LRP1B: variants seen among roughly 807,000 people sequenced by gnomAD.
LRP1B encodes low-density lipoprotein receptor-related protein 1B.
In LRP1B, 217 loss-of-function variants were observed where a neutral mutation model predicts 556.6. The ratio of observed to expected loss-of-function variants is 0.39; its 90% CI spans 0.35 to 0.44. The LOEUF is 0.44. LRP1B is among the 20% of genes least tolerant of loss of function. The pLI is 1.00. For synonymous variants in LRP1B, 2,047 were observed against 1,865.8 expected (o/e 1.10, Z -2.50); for missense variants, 5,053 against 5,620.8 (o/e 0.90, Z 3.23).
intron 2 of LRP1B, among the ~76,000 whole-genome samples, chr2:141,568,230 G>T (rs1276726714): frequency 1.3e-5 from 2 of 150,886 alleles, no homozygotes; most frequent in African/African-American, 4.8e-5. Context: ...CAATGTCATA[G>T]GACTTAAGAA....
At chr2:140,329,839 C>A (rs587307) in intron 79 of LRP1B, among the ~76,000 whole-genome samples, 149,114 of 151,910 alleles carry the variant, frequency 0.98, 73,226 homozygotes, top group Middle Eastern at 1. Flanking sequence ...TATACATTCA[C>A]TGCTATTCCT....
chr2:140,939,036 G>A (rs1314017199), intron 20 of LRP1B, among the ~76,000 whole-genome samples: 2 of 151,820 alleles, frequency 1.3e-5, no homozygotes, highest in African/African-American at 4.8e-5. Flanking sequence ...GTACAAACTC[G>A]ATTGATATGA....
intron 2 of LRP1B, among the ~76,000 whole-genome samples, chr2:141,509,851 T>G (rs1284939061): frequency 6.6e-6 from 1 of 152,154 alleles, no homozygotes; most frequent in Non-Finnish European, 1.5e-5. Flanking sequence ...ACACAAGGTG[T>G]TAAAGAACAG....
intron 3 of LRP1B, among the ~76,000 whole-genome samples, chr2:141,350,112 G>A (rs1055369166): frequency 1.2e-4 from 18 of 152,060 alleles, no homozygotes; most frequent in Non-Finnish European, 2.4e-4. Flanking sequence ...CACAAGAGCA[G>A]CATAGGGAAG....
intron 2 of LRP1B, among the ~76,000 whole-genome samples, chr2:141,490,395 G>GTA (rs1229436312): frequency 2.0e-5 from 3 of 151,862 alleles, no homozygotes; most frequent in South Asian, 4.1e-4. Context: ...GTGTGTGTGT[G>GTA]TGTGTTTTCT....
intron 4 of LRP1B, among the ~76,000 whole-genome samples, chr2:141,251,452 T>C (rs1684257256): frequency 6.6e-6 from 1 of 152,066 alleles, no homozygotes; most frequent in African/African-American, 2.4e-5. Flanking sequence ...TAGGAAGAGA[T>C]AGGATATAAA....
intron 77 of LRP1B, among the ~76,000 whole-genome samples, chr2:140,345,920 C>T (rs1331379877): frequency 6.8e-6 from 1 of 148,040 alleles, no homozygotes; most frequent in African/African-American, 2.5e-5. Context: ...GCTCAAATCT[C>T]CTCTCTTCAA....
chr2:141,512,776 A>C (rs1403319292), intron 2 of LRP1B, among the ~76,000 whole-genome samples: 2 of 152,090 alleles, frequency 1.3e-5, no homozygotes. Context: ...CAGTTAAAAA[A>C]AAAATCCACA....
intron 2 of LRP1B, among the ~76,000 whole-genome samples, chr2:141,591,221 T>G (rs1308780194): frequency 6.6e-6 from 1 of 152,174 alleles, no homozygotes; most frequent in African/African-American, 2.4e-5. Context: ...CAGAGCTTCA[T>G]GTAGCTTCTT....
intron 31 of LRP1B, among the ~76,000 whole-genome samples, chr2:140,817,912 C>T (rs1051968683): frequency 6.6e-6 from 1 of 152,062 alleles, no homozygotes; most frequent in Non-Finnish European, 1.5e-5. Flanking sequence ...TTTTAATTAT[C>T]TGGAAAGTTA....
intron 3 of LRP1B, among the ~76,000 whole-genome samples, chr2:141,336,800 T>C (rs752478166): frequency 6.6e-6 from 1 of 152,312 alleles, no homozygotes; most frequent in South Asian, 2.1e-4. Context: ...AAACAGAAAG[T>C]ATGCAGTATA....
At chr2:140,608,373 T>G (rs1041562927) in intron 41 of LRP1B, among the ~76,000 whole-genome samples, 1 of 152,196 alleles carries the variant, frequency 6.6e-6, no homozygotes, top group Admixed American at 6.5e-5. Flanking sequence ...TCACCTGAAT[T>G]TAGATCTTCT....
At chr2:141,496,042 C>A (rs577471028) in intron 2 of LRP1B, among the ~76,000 whole-genome samples, 1 of 151,956 alleles carries the variant, frequency 6.6e-6, no homozygotes, top group Non-Finnish European at 1.5e-5. Context: ...AACTAAGATA[C>A]ACCTCAAAGC....
chr2:140,380,338 A>G (rs976606048), intron 67 of LRP1B, among the ~76,000 whole-genome samples: 1 of 152,180 alleles, frequency 6.6e-6, no homozygotes, highest in African/African-American at 2.4e-5. Flanking sequence ...TTAACATTAA[A>G]GCCCTGGGAA....
intron 59 of LRP1B, 80 bp from the exon 60 acceptor site, chr2:140,475,417 C>A: frequency 2.0e-6 from 2 of 1,021,088 alleles, no homozygotes; most frequent in South Asian, 4.0e-5. Context: ...CTTTTTTGCT[C>A]AACTGTTCCC....
chr2:140,735,125 A>G (rs1687903484), intron 35 of LRP1B, among the ~76,000 whole-genome samples: 1 of 152,208 alleles, frequency 6.6e-6, no homozygotes, highest in Non-Finnish European at 1.5e-5. Flanking sequence ...GTTGTCAAAG[A>G]GGACACGGTT....
At chr2:141,188,885 G>C (rs1173503611) in intron 6 of LRP1B, among the ~76,000 whole-genome samples, 2 of 151,736 alleles carry the variant, frequency 1.3e-5, no homozygotes, top group East Asian at 3.9e-4. Context: ...TTTTGCATTT[G>C]TCCAAAATAG....
chr2:141,336,629 G>GAT (rs1365023711), intron 3 of LRP1B, among the ~76,000 whole-genome samples: 1 of 152,048 alleles, frequency 6.6e-6, no homozygotes, highest in African/African-American at 2.4e-5. Flanking sequence ...TACACGTATA[G>GAT]ATTGATGTAA....
intron 67 of LRP1B, among the ~76,000 whole-genome samples, chr2:140,385,395 CA>C (rs1558845639): frequency 6.6e-6 from 1 of 151,964 alleles, no homozygotes; most frequent in Admixed American, 6.6e-5. Context: ...CAGATGATAA[CA>C]ATAGTGTTAT....
Sources: allele counts gnomAD v4.1 joint callset (sites outside exome capture counted in the v4.1 genomes callset), GRCh38; gene constraint gnomAD v4.1.1; transcripts MANE v1.5; gene names NCBI Gene and HGNC (gene_info 2026-07-23, HGNC 2026-07-21).